SERPING1: variants seen among roughly 807,000 people sequenced by gnomAD.
SERPING1 encodes plasma protease C1 inhibitor.
A neutral mutation model predicts 34.1 loss-of-function variants in SERPING1; 5 were observed. The observed-to-expected ratio is 0.15, with a 90% confidence interval of 0.08 to 0.31. The LOEUF (loss-of-function observed/expected upper bound fraction) is 0.31. SERPING1 is among the 10% of genes least tolerant of loss of function. The probability of loss-of-function intolerance (pLI) is 1.00; values close to 1 mark genes in which losing one functional copy is unlikely to be tolerated. For missense variants in SERPING1, 505 were observed against 609.5 expected (o/e 0.83, Z 1.81); for synonymous variants, 225 against 242.4 (o/e 0.93, Z 0.67).
intron 4 of SERPING1, among the ~76,000 whole-genome samples, chr11:57,604,016 G>A (rs954796776): frequency 1.3e-5 from 2 of 151,706 alleles, no homozygotes; most frequent in African/African-American, 4.8e-5. Flanking sequence ...CAGGTGTGGT[G>A]GCACGCGCCT....
chr11:57,614,267 C>G (rs1945511076), intron 7 of SERPING1, 61 bp from the exon 8 acceptor site: 3 of 1,599,432 alleles, frequency 1.9e-6, no homozygotes, highest in Admixed American at 3.3e-5. Context: ...GGACAAAGGT[C>G]TCCATCAGCT....
chr11:57,606,152 G>A lies in SERPING1; in HGVS notation c.828G>A (p.Arg276=). The A allele has an allele frequency of 1.9e-6, 3 of 1,614,106 alleles. No individual in the cohort carries two copies. The highest frequency in any genetic ancestry group is 2.5e-6 in the Non-Finnish European group (3 of 1,180,022). ...VAKNTNNKIS[R]LLDSLPSDTR... ...AGAACACCAACAACAAGATCAGCCG[G>A]CTGCTAGACAGTCTGCCCTCCGATA... Residue 276 remains arginine (R), a synonymous_variant, in exon 5 of 8, where the codon CGG becomes CGA. Transcript: ENST00000278407.
intron 4 of SERPING1, 135 bp from the exon 5 acceptor site, chr11:57,605,875 T>G (rs1416963016): frequency 1.2e-6 from 1 of 867,738 alleles, no homozygotes; most frequent in African/African-American, 1.6e-5. Flanking sequence ...AGGAGTGGGC[T>G]GGACCGCGCT....
chr11:57,598,030 C>CG, intron 1 of SERPING1: 1 of 565,606 alleles, frequency 1.8e-6, no homozygotes, highest in South Asian at 2.5e-5. Flanking sequence ...CCCGGGCCCA[C>CG]GGGGAGAGGA....
chr11:57,604,506 G>A (rs1945386607), intron 4 of SERPING1, among the ~76,000 whole-genome samples: 1 of 152,088 alleles, frequency 6.6e-6, no homozygotes, highest in South Asian at 2.1e-4. Flanking sequence ...GAGGGAAACG[G>A]ACCAGCTGGG....
At chr11:57,602,219 C>G in intron 4 of SERPING1, 50 bp downstream of exon 4, 1 of 1,608,154 alleles carries the variant, frequency 6.2e-7, no homozygotes, top group Non-Finnish European at 8.5e-7. Flanking sequence ...CCTGAGAGGA[C>G]TCTGAAGGGG....
At chr11:57,611,581 T>G (rs1443106443) in intron 6 of SERPING1, 136 bp from the exon 7 acceptor site, 14 of 866,200 alleles carry the variant, frequency 1.6e-5, no homozygotes, top group Non-Finnish European at 2.5e-5. Flanking sequence ...TGGTAAAGCC[T>G]GGAAGCTTAG....
At chr11:57,598,353 G>T in intron 2 of SERPING1, 32 bp downstream of exon 2, 1 of 1,544,756 alleles carries the variant, frequency 6.5e-7, no homozygotes, top group Non-Finnish European at 8.7e-7. Flanking sequence ...GGGGGACGGG[G>T]GTGGAGACGG....
chr11:57,600,671 T>G (rs548291090), intron 3 of SERPING1, among the ~76,000 whole-genome samples: 3 of 152,156 alleles, frequency 2.0e-5, no homozygotes, highest in Admixed American at 2.0e-4. Context: ...AAAGATGAAA[T>G]TAGGCGCAGT....
rs1158186078 is a variant in SERPING1 at position 57,606,120 on chromosome 11, G to C, written c.796G>C (p.Val266Leu). ...DANLELINTWVAKNTNNKISR... is the reference protein window; with the variant it reads ...DANLELINTWLAKNTNNKISR... ...CAACTTGGAGCTCATCAACACCTGG[G>C]TGGCCAAGAACACCAACAACAAGAT... The change falls in exon 5 of 8, where the codon GTG (valine) becomes CTG (leucine). Residue 266 changes from valine (V) to leucine (L), a missense_variant. By Grantham distance (32) the Val-to-Leu change is conservative. Coordinates refer to ENST00000278407, the MANE Select transcript of SERPING1 (RefSeq NM_000062.3). 1 of 1,614,012 alleles carries C rather than the reference G, an allele frequency of 6.2e-7. No individual in the cohort carries two copies. Among genetic ancestry groups the C allele is most frequent in the Non-Finnish European group, 8.5e-7 (1 of 1,180,038 alleles).
At chr11:57,608,575 C>T (rs1197830426) in intron 6 of SERPING1, among the ~76,000 whole-genome samples, 3 of 152,174 alleles carry the variant, frequency 2.0e-5, no homozygotes, top group Non-Finnish European at 4.4e-5. Context: ...TGCAGTGGCA[C>T]AATCCCAGCT....
chr11:57,604,195 G>C (rs531434093), intron 4 of SERPING1, among the ~76,000 whole-genome samples: 1 of 151,620 alleles, frequency 6.6e-6, no homozygotes, highest in South Asian at 2.1e-4. Flanking sequence ...TAGAGGGCTA[G>C]AGAGCTATAG....
intron 4 of SERPING1, among the ~76,000 whole-genome samples, chr11:57,604,253 G>T (rs755047135): frequency 1.8e-4 from 28 of 152,080 alleles, no homozygotes; most frequent in Admixed American, 3.3e-4. Context: ...GGTCAAAGGA[G>T]TCTTGGGACT....
chr11:57,611,764 A>G lies in SERPING1; in HGVS notation c.1077A>G (p.Val359=). ...ACAATCTGAGTTTGGTGATCCTGGT[A>G]CCCCAGAACCTGAAACATCGTCTTG... ...LSHNLSLVIL[V]PQNLKHRLED... Residue 359 remains valine (V), a synonymous_variant, in exon 7 of 8, where the codon GTA becomes GTG. Transcript: ENST00000278407. 6.2e-7 allele frequency: 1 copy of G among 1,614,210 alleles called. No homozygotes were observed. Among genetic ancestry groups the G allele is most frequent in the Non-Finnish European group, 8.5e-7 (1 of 1,180,036 alleles).
Position 57,600,071 on chromosome 11 carries a change from A to G in SERPING1, c.244A>G (p.Thr82Ala). The G allele has an allele frequency of 1.2e-6, 2 of 1,613,876 alleles. No individual in the cohort carries two copies. Among genetic ancestry groups the G allele is most frequent in the Non-Finnish European group, 1.7e-6 (2 of 1,179,888 alleles). Residue 82 changes from threonine to alanine, a missense_variant, in exon 3 of 8, where the codon ACC (threonine) becomes GCC (alanine). Thr to Ala is a moderately conservative substitution (Grantham distance 58). Coordinates refer to ENST00000278407, the MANE Select transcript of SERPING1 (RefSeq NM_000062.3). ...TTCAGCCACCAAAATAACAGCTAAT[A>G]CCACTGATGAACCCACCACACAACC... ...TNSATKITAN[T>A]TDEPTTQPTT... is the part of the protein sequence containing the mutation.
Position 57,600,295 on chromosome 11 carries a change from C to T in SERPING1, c.468C>T (p.Ala156=), listed in dbSNP as rs150601964. 2.4e-3 allele frequency: 3,810 copies of T among 1,613,996 alleles called. 11 individuals are homozygous for T. The highest frequency in any genetic ancestry group is 3.0e-3 in the Non-Finnish European group (3,523 of 1,180,026). The change falls in exon 3 of 8, where the codon GCC becomes GCT. Residue 156 remains alanine, a synonymous_variant. Transcript: ENST00000278407. ...LVDFSLKLYH[A]FSAMKKVETN... is the part of the protein sequence containing the mutation. The stretch of plus-strand genomic sequence containing the variant: ...ATTTCTCCCTGAAGCTCTACCACGC[C>T]TTCTCAGCAATGAAGAAGGTGGAGA...
At chr11:57,604,874 G>C (rs900542137) in intron 4 of SERPING1, among the ~76,000 whole-genome samples, 12 of 151,850 alleles carry the variant, frequency 7.9e-5, no homozygotes, top group Non-Finnish European at 1.8e-4. Context: ...GGTGTGGTAC[G>C]TGTCTGTAGT....
At chr11:57,605,941 C>T in intron 4 of SERPING1, 69 bp from the exon 5 acceptor site, 3 of 1,399,718 alleles carry the variant, frequency 2.1e-6, no homozygotes, top group South Asian at 1.2e-5. Context: ...CATGCTCACT[C>T]TCAAATCGTG....
At chr11:57,613,164 C>A (rs1464669334) in intron 7 of SERPING1, among the ~76,000 whole-genome samples, 1 of 152,136 alleles carries the variant, frequency 6.6e-6, no homozygotes, top group African/African-American at 2.4e-5. Flanking sequence ...AGGAAGAAAA[C>A]CTCTTTTTTA....
Sources: gnomAD v4.1 joint callset for allele counts (sites outside exome capture counted in the v4.1 genomes callset) on GRCh38, gnomAD v4.1.1 for gene constraint, MANE v1.5 for transcripts, NCBI Gene and HGNC (gene_info 2026-07-23, HGNC 2026-07-21) for gene names.